MBD5: variants seen among roughly 807,000 people sequenced by gnomAD.
MBD5 encodes the protein methyl-CpG binding domain protein 5, also known as methyl-CpG-binding domain protein 5.
In MBD5, 13 loss-of-function variants were observed where a neutral mutation model predicts 117.3. The ratio of observed to expected loss-of-function variants is 0.11; its 90% CI spans 0.07 to 0.18. The LOEUF (loss-of-function observed/expected upper bound fraction) is 0.18. Ranked by LOEUF, MBD5 falls within the 10% of genes least tolerant of loss-of-function variation. The probability of loss-of-function intolerance (pLI) is 1.00; values close to 1 mark genes in which losing one functional copy is unlikely to be tolerated. For synonymous variants in MBD5, 727 were observed against 766.4 expected (o/e 0.95, Z 0.85); for missense variants, 1,879 against 2,093.8 (o/e 0.90, Z 2.00).
chr2:148,171,782 A>T (rs1482077353), intron 1 of MBD5, among the ~76,000 whole-genome samples: 1 of 152,252 alleles, frequency 6.6e-6, no homozygotes. Flanking sequence ...GGATACAAAA[A>T]ATCAACATAC....
chr2:148,189,262 A>C (rs919451835), intron 2 of MBD5, among the ~76,000 whole-genome samples: 26 of 147,796 alleles, frequency 1.8e-4, no homozygotes, highest in Non-Finnish European at 3.9e-4. Context: ...ACCACAGCTC[A>C]AGGAGGCCTG....
chr2:148,342,664 G>A (rs1430573063), intron 4 of MBD5, among the ~76,000 whole-genome samples: 1 of 151,712 alleles, frequency 6.6e-6, no homozygotes, highest in Non-Finnish European at 1.5e-5. Context: ...GATTTATATA[G>A]TTACAATAAT....
chr2:148,372,240 T>G (rs1394608954), intron 4 of MBD5, among the ~76,000 whole-genome samples: 5 of 152,104 alleles, frequency 3.3e-5, no homozygotes, highest in African/African-American at 1.2e-4. Context: ...ACATTACCAA[T>G]ACACTGAATG....
chr2:148,197,392 T>G (rs928649730), intron 2 of MBD5, among the ~76,000 whole-genome samples: 9 of 152,192 alleles, frequency 5.9e-5, no homozygotes, highest in African/African-American at 1.9e-4. Context: ...TAATGATTGT[T>G]TGTTATGCAG....
chr2:148,324,340 G>A (rs979348729), intron 3 of MBD5, among the ~76,000 whole-genome samples: 6 of 152,086 alleles, frequency 3.9e-5, no homozygotes, highest in Non-Finnish European at 7.4e-5. Flanking sequence ...GGTTCCATAT[G>A]AACTTTAAAG....
intron 1 of MBD5, among the ~76,000 whole-genome samples, chr2:148,152,997 T>G (rs575803080): frequency 0.013 from 1,966 of 151,962 alleles, 26 homozygotes; most frequent in African/African-American, 0.044. Context: ...GTTAGCTGGT[T>G]ATTTTGCTGG....
At chr2:148,399,742 G>C (rs1704856086) in intron 4 of MBD5, among the ~76,000 whole-genome samples, 1 of 152,100 alleles carries the variant, frequency 6.6e-6, no homozygotes, top group Non-Finnish European at 1.5e-5. Context: ...AGTTTTCAAA[G>C]GGAATGCTTC....
intron 3 of MBD5, among the ~76,000 whole-genome samples, chr2:148,325,559 C>T (rs1388392244): frequency 6.6e-6 from 1 of 152,126 alleles, no homozygotes; most frequent in Non-Finnish European, 1.5e-5. Context: ...CTGGTTTAGT[C>T]TTGGGAGAGT....
intron 3 of MBD5, among the ~76,000 whole-genome samples, chr2:148,254,393 C>T (rs1700534774): frequency 6.6e-6 from 1 of 152,180 alleles, no homozygotes; most frequent in African/African-American, 2.4e-5. Context: ...GAGTGCCACT[C>T]AGGTGGAATT....
At chr2:148,051,597 TTTG>T (rs1694702795) in intron 1 of MBD5, among the ~76,000 whole-genome samples, 1 of 135,992 alleles carries the variant, frequency 7.4e-6, no homozygotes, top group Non-Finnish European at 1.6e-5. Context: ...TTCTGTTCTG[TTTG>T]TTGAGTGTGT....
intron 1 of MBD5, among the ~76,000 whole-genome samples, chr2:148,128,398 A>G (rs919337563): frequency 3.3e-5 from 5 of 152,218 alleles, no homozygotes; most frequent in Admixed American, 6.5e-5. Flanking sequence ...TACTTTTAGT[A>G]GAACAGGTTG....
intron 11 of MBD5, among the ~76,000 whole-genome samples, chr2:148,501,381 G>C (rs1035939368): frequency 6.6e-6 from 1 of 152,158 alleles, no homozygotes; most frequent in African/African-American, 2.4e-5. Flanking sequence ...GATTGGAGGG[G>C]AGTAGCAGGG....
At chr2:148,447,236 G>GAAAGAAA (rs1559075780) in intron 4 of MBD5, among the ~76,000 whole-genome samples, 8 of 134,026 alleles carry the variant, frequency 6.0e-5, no homozygotes, top group African/African-American at 2.6e-4. Context: ...AGAAAGAAAG[G>GAAAGAAA]GAAAGGAGGG....
intron 2 of MBD5, among the ~76,000 whole-genome samples, chr2:148,198,611 TC>T (rs1243018449): frequency 6.6e-6 from 1 of 152,180 alleles, no homozygotes. Flanking sequence ...TTTTTTATTG[TC>T]ATTTTTCTTA....
At chr2:148,317,032 T>C (rs1702171427) in intron 3 of MBD5, among the ~76,000 whole-genome samples, 1 of 152,122 alleles carries the variant, frequency 6.6e-6, no homozygotes. Flanking sequence ...ACTTAAACCA[T>C]GCTAAAAAGG....
intron 12 of MBD5, among the ~76,000 whole-genome samples, chr2:148,503,913 G>A (rs1681947424): frequency 1.3e-5 from 2 of 152,188 alleles, no homozygotes; most frequent in Admixed American, 1.3e-4. Context: ...CATTTCTTTG[G>A]TGTAAAGGAG....
chr2:148,413,458 G>C (rs950726711), intron 4 of MBD5, among the ~76,000 whole-genome samples: 1 of 150,664 alleles, frequency 6.6e-6, no homozygotes, highest in Non-Finnish European at 1.5e-5. Flanking sequence ...TTTGGTATCA[G>C]GATAATGCCG....
chr2:148,051,536 A>G (rs1334282508), intron 1 of MBD5, among the ~76,000 whole-genome samples: 1 of 148,162 alleles, frequency 6.7e-6, no homozygotes, highest in Non-Finnish European at 1.5e-5. Context: ...TCTTACCATT[A>G]TGTTAGTTTT....
chr2:148,021,521 T>G lies in MBD5; in HGVS notation c.-1088T>G. 1 of 572,194 alleles carries G rather than the reference T, an allele frequency of 1.7e-6. No homozygotes were observed. The highest frequency in any genetic ancestry group is 3.4e-6 in the Non-Finnish European group (1 of 297,720). 35.4% of individuals were successfully genotyped at this position (572,194 alleles called of 1,614,324 possible). ...CTACTGCTGCTGCTGCTACTGCTGC[T>G]GCTTGGCCCTGGCTGGAGACATCTC... On this transcript the variant is annotated 5_prime_UTR_variant, in exon 1 of 14. Transcript: ENST00000642680.
Sources: gnomAD v4.1 joint callset for allele counts (sites outside exome capture counted in the v4.1 genomes callset) on GRCh38, gnomAD v4.1.1 for gene constraint, MANE v1.5 for transcripts, NCBI Gene and HGNC (gene_info 2026-07-23, HGNC 2026-07-21) for gene names.